Variants in CEP85 observed in about 807,000 individuals in gnomAD.
CEP85 encodes the protein centrosomal protein 85.
In CEP85, 58 loss-of-function variants were observed where a neutral mutation model predicts 93.7. The observed-to-expected ratio is 0.62, with a 90% confidence interval of 0.50 to 0.77. CEP85 has a LOEUF of 0.77. Ranked by LOEUF, CEP85 falls within the 30% of genes least tolerant of loss-of-function variation. CEP85 has a pLI of 0.00. For missense variants in CEP85, 868 were observed against 922.0 expected (o/e 0.94, Z 0.76); for synonymous variants, 314 against 338.6 (o/e 0.93, Z 0.80).
chr1:26,251,878 G>C (rs1286370147), intron 3 of CEP85, among the ~76,000 whole-genome samples: 3 of 152,116 alleles, frequency 2.0e-5, no homozygotes, highest in Non-Finnish European at 2.9e-5. Context: ...TAATTACACC[G>C]TGGGAGCAGT....
At chr1:26,264,952 G>A (rs1268496705) in intron 7 of CEP85, among the ~76,000 whole-genome samples, 1 of 149,412 alleles carries the variant, frequency 6.7e-6, no homozygotes, top group Non-Finnish European at 1.5e-5. Flanking sequence ...GAGTAGCTGG[G>A]ATTACAGGCA....
At chr1:26,264,598 T>C (rs1300273016) in intron 7 of CEP85, among the ~76,000 whole-genome samples, 1 of 152,176 alleles carries the variant, frequency 6.6e-6, no homozygotes, top group Non-Finnish European at 1.5e-5. Context: ...GGTGGTTACC[T>C]GTTGGACTTC....
chr1:26,251,456 G>A (rs1433093025), intron 3 of CEP85, among the ~76,000 whole-genome samples: 1 of 151,142 alleles, frequency 6.6e-6, no homozygotes, highest in South Asian at 2.1e-4. Context: ...TCTCCACGTT[G>A]ATCAGGCTGG....
intron 1 of CEP85, among the ~76,000 whole-genome samples, chr1:26,236,270 T>C (rs6671368): frequency 0.99 from 151,354 of 152,356 alleles, 75,184 homozygotes; most frequent in Middle Eastern, 1. Flanking sequence ...GACATGATAC[T>C]TAAAAAGTGT....
At chr1:26,263,863 T>C (rs2089851724) in intron 7 of CEP85, among the ~76,000 whole-genome samples, 1 of 152,176 alleles carries the variant, frequency 6.6e-6, no homozygotes, top group Non-Finnish European at 1.5e-5. Flanking sequence ...TCAAAAATCA[T>C]GTATTCAAGA....
intron 7 of CEP85, among the ~76,000 whole-genome samples, chr1:26,265,224 T>G (rs1354340395): frequency 6.6e-6 from 1 of 152,104 alleles, no homozygotes; most frequent in Admixed American, 6.5e-5. Flanking sequence ...CCTCATGTGA[T>G]CTGCCCGCCT....
At position 26,266,368 on chromosome 1, in the gene CEP85, C is replaced by T. The variant is rs535208020; in HGVS notation, c.1342-2115C>T. 1.1e-3 allele frequency among the ~76,000 whole-genome samples: 171 copies of T among 152,304 alleles called. 1 individual carries two copies. The highest frequency in any genetic ancestry group is 3.6e-3 in the African/African-American group (149 of 41,566). ...TGTCACTGCACTTCAGCATGGGTGA[C>T]AGAGCAAGACCCTGTCTCAAAAAAA... On this transcript the variant is annotated intron_variant, in intron 7 of 13. Transcript: ENST00000451429.
rs556121751 is a variant in CEP85, at chr1:26,257,782, G to A, written c.1037+52G>A. The A allele has an allele frequency of 1.3e-5, 20 of 1,599,304 alleles. 1 individual carries two copies. In the South Asian group the frequency reaches 2.0e-4, roughly 16 times the overall value. ...CCAGACTACTCTCCCAGGCCCCATT[G>A]AAGACACCTAATGGAGTCTTCCCAA... On this transcript the variant is annotated intron_variant, in intron 5 of 13. Transcript: ENST00000451429.
Position 26,238,202 on chromosome 1 carries a change from C to CT in CEP85, c.-22-1544dup, listed in dbSNP as rs67466493. On this transcript the variant is annotated intron_variant, in intron 1 of 13. Transcript: ENST00000451429. Reference sequence around the variant, plus strand: ...TATGTTCTGTGAATTGTCCCAAACTCTTTTTTTTTTTTTTTTGAGACGGAG... The same window carrying CT: ...TATGTTCTGTGAATTGTCCCAAACTCTTTTTTTTTTTTTTTTTGAGACGGAG... Among the ~76,000 whole-genome samples, 483 of 88,290 alleles carry CT rather than the reference C, an allele frequency of 5.5e-3. 34 individuals are homozygous for CT. The highest frequency in any genetic ancestry group is 0.041 in the East Asian group (152 of 3,684). The allele number at this position is 88,290 out of a possible 152,430, so 57.9% of individuals were successfully genotyped here.
chr1:26,249,238 C>T (rs144258463), intron 3 of CEP85, among the ~76,000 whole-genome samples: 162 of 152,240 alleles, frequency 1.1e-3, no homozygotes, highest in African/African-American at 3.5e-3. Context: ...TGTGCCACCA[C>T]ACCCAGCTAA....
At chr1:26,272,117 A>G in intron 11 of CEP85, 46 bp downstream of exon 11, 2 of 1,570,222 alleles carry the variant, frequency 1.3e-6, no homozygotes, top group Non-Finnish European at 1.8e-6. Context: ...TTAATGATGG[A>G]ATCTCTAGAA....
chr1:26,258,094 G>A (rs2089736291), intron 5 of CEP85, 49 bp from the exon 6 acceptor site: 2 of 1,282,894 alleles, frequency 1.6e-6, no homozygotes, highest in Admixed American at 1.7e-5. Context: ...GGCTCATATT[G>A]TGAGGGGTTA....
At chr1:26,267,898 C>T (rs1288630100) in intron 7 of CEP85, among the ~76,000 whole-genome samples, 1 of 152,126 alleles carries the variant, frequency 6.6e-6, no homozygotes, top group Non-Finnish European at 1.5e-5. Flanking sequence ...TGGGATCTGG[C>T]CCACTCCTGT....
intron 3 of CEP85, among the ~76,000 whole-genome samples, chr1:26,251,173 C>T (rs1557653901): frequency 6.6e-6 from 1 of 151,114 alleles, no homozygotes; most frequent in East Asian, 1.9e-4. Context: ...GAACTCCTGA[C>T]CTCAAATGAT....
chr1:26,267,027 A>G (rs538127640), intron 7 of CEP85, among the ~76,000 whole-genome samples: 6 of 152,202 alleles, frequency 3.9e-5, no homozygotes, highest in South Asian at 2.1e-4. Flanking sequence ...CTGCAGTCCA[A>G]TTCAGATGCA....
Position 26,258,799 on chromosome 1 carries a change from G to T in CEP85, c.1155+539G>T, listed in dbSNP as rs148914521. ...TTTAGTAGAGACGGGGTTTCATCAT[G>T]TTGGCCAGGCTGGTCTCGAACTCCT... On this transcript the variant is annotated intron_variant, in intron 6 of 13. Transcript: ENST00000451429. 3.1e-3 allele frequency among the ~76,000 whole-genome samples: 477 copies of T among 152,164 alleles called. 13 individuals are homozygous for T. The South Asian group carries it at 0.059, about 19-fold the overall frequency.
intron 1 of CEP85, among the ~76,000 whole-genome samples, chr1:26,237,097 A>G (rs919094028): frequency 5.9e-5 from 9 of 152,110 alleles, no homozygotes; most frequent in African/African-American, 2.2e-4. Flanking sequence ...CTCCACCACC[A>G]CTACCACCAT....
chr1:26,260,480 T>C (rs2089790071), intron 7 of CEP85, among the ~76,000 whole-genome samples: 1 of 149,586 alleles, frequency 6.7e-6, no homozygotes, highest in Non-Finnish European at 1.5e-5. Context: ...GCCTAGGTGA[T>C]AGAGCAAGAC....
intron 9 of CEP85, among the ~76,000 whole-genome samples, chr1:26,269,935 C>T (rs971478074): frequency 1.3e-5 from 2 of 151,948 alleles, no homozygotes; most frequent in Non-Finnish European, 2.9e-5. Flanking sequence ...TACAGGCGCC[C>T]GCCACTGCGC....
Sources: gnomAD v4.1 joint callset for allele counts (sites outside exome capture counted in the v4.1 genomes callset) on GRCh38, gnomAD v4.1.1 for gene constraint, MANE v1.5 for transcripts, NCBI Gene and HGNC (gene_info 2026-07-23, HGNC 2026-07-21) for gene names.